The following DMXL1 variants were observed in gnomAD, a reference collection of about 807,000 sequenced individuals.
The protein encoded by DMXL1 is Dmx like 1, also known as dmX-like protein 1.
In DMXL1, 99 loss-of-function variants were observed where a neutral mutation model predicts 319.2. That is an observed-to-expected ratio of 0.31 (90% confidence interval 0.26 to 0.37). The LOEUF is 0.37. Ranked by LOEUF, DMXL1 falls within the 10% of genes least tolerant of loss-of-function variation. The pLI, the probability that DMXL1 is intolerant of heterozygous loss-of-function variation, is 1.00. For synonymous variants in DMXL1, 1,385 were observed against 1,235.2 expected, an observed-to-expected ratio of 1.12 and a Z score of -2.54; for missense variants, 3,745 against 3,595.6, an observed-to-expected ratio of 1.04 and a Z score of -1.06.
intron 26 of DMXL1, among the ~76,000 whole-genome samples, chr5:119,176,011 A>C (rs977779149): frequency 2.6e-5 from 4 of 151,976 alleles, no homozygotes; most frequent in African/African-American, 9.7e-5. Context: ...AATGTTCTTT[A>C]ACTTTCCCCT....
At chr5:119,202,902 TA>T (rs1781068069) in intron 32 of DMXL1, among the ~76,000 whole-genome samples, 1 of 144,830 alleles carries the variant, frequency 6.9e-6, no homozygotes, top group African/African-American at 2.5e-5. Flanking sequence ...TATATATATA[TA>T]TATTTATATA....
At chr5:119,115,136 T>C (rs1760553976) in intron 6 of DMXL1, among the ~76,000 whole-genome samples, 1 of 151,012 alleles carries the variant, frequency 6.6e-6, no homozygotes, top group African/African-American at 2.5e-5. Flanking sequence ...TTTTCTCATG[T>C]GTAATATGAG....
intron 1 of DMXL1, among the ~76,000 whole-genome samples, chr5:119,074,128 A>G (rs1750278700): frequency 1.3e-5 from 2 of 152,194 alleles, no homozygotes; most frequent in African/African-American, 4.8e-5. Flanking sequence ...CATGTTGGTC[A>G]GGCTGGTCTG....
At chr5:119,160,215 A>C (rs1327114021) in intron 19 of DMXL1, among the ~76,000 whole-genome samples, 1 of 151,936 alleles carries the variant, frequency 6.6e-6, no homozygotes, top group Non-Finnish European at 1.5e-5. Flanking sequence ...GCATCCCATA[A>C]ATTTTAGCAT....
At position 119,197,850 on chromosome 5, in the gene DMXL1, C is replaced by T. The variant is rs1161681720; in HGVS notation, c.7639C>T (p.Pro2547Ser). The change falls in exon 32 of 44, where the codon CCA (proline) becomes TCA (serine). Residue 2547 changes from proline to serine, a missense_variant. Pro to Ser is a moderately conservative substitution (Grantham distance 74). Around this residue, in one of 4 missense-constraint regions of DMXL1, gnomAD observed 1,382 missense variants for 1,269.5 expected, o/e 1.09. Transcript: ENST00000539542. ...LLRRLEIHGG[P>S]PQNYIASHTA... is the part of the protein sequence containing the mutation. ...CCGACGACTTGAAATCCATGGTGGG[C>T]CACCTCAAAATTATATCGCAAGTCA... 2 of 1,614,036 alleles carry T rather than the reference C, an allele frequency of 1.2e-6. No individual in the cohort carries two copies. The highest frequency in any genetic ancestry group is 1.3e-5 in the African/African-American group (1 of 74,914).
rs116642491 is a variant in DMXL1 at position 119,099,041 on chromosome 5, C to G, written c.213+937C>G. Among the ~76,000 whole-genome samples, 479 of 152,258 alleles carry G rather than the reference C, an allele frequency of 3.1e-3. 3 individuals carry two copies. Among genetic ancestry groups the G allele is most frequent in the Non-Finnish European group, 5.1e-3 (349 of 68,010 alleles). ...GAATCTTTACATATTTGTTGGACTA[C>G]TGTTCTTTTTGTTACATGGTATTCC... On this transcript the variant is annotated intron_variant, in intron 2 of 43. Coordinates refer to ENST00000539542, the MANE Select transcript of DMXL1 (RefSeq NM_001290321.3).
chr5:119,216,913 T>C lies in DMXL1; in HGVS notation c.7939T>C (p.Leu2647=). The C allele has an allele frequency of 1.3e-6, 2 of 1,594,340 alleles. No homozygotes were observed. The highest frequency in any genetic ancestry group is 2.3e-5 in the East Asian group (1 of 44,210). ...EPNINKIEAD[L]GYPGGKARII... is the part of the protein sequence containing the mutation. Reference sequence around the variant, plus strand: ...TCCTTTTATTTAGATAGAAGCAGATTTGGGATATCCTGGAGGTAAAGCAAG... The same window carrying C: ...TCCTTTTATTTAGATAGAAGCAGATCTGGGATATCCTGGAGGTAAAGCAAG... Residue 2647 remains leucine, a synonymous_variant, in exon 35 of 44, where the codon TTG becomes CTG. Transcript: ENST00000539542.
intron 38 of DMXL1, among the ~76,000 whole-genome samples, chr5:119,225,524 A>G (rs947858006): frequency 9.9e-5 from 15 of 152,204 alleles, no homozygotes; most frequent in Admixed American, 2.6e-4. Flanking sequence ...ATGCATGTTA[A>G]TTAATGGGTA....
At chr5:119,127,651 C>G (rs375671145) in intron 9 of DMXL1, 115 of 170,744 alleles carry the variant, frequency 6.7e-4, no homozygotes, top group African/African-American at 2.6e-3. Flanking sequence ...GTTGACCAGG[C>G]TGGTCTCGAA....
chr5:119,071,664 A>G lies in DMXL1; in HGVS notation c.87+8A>G. On this transcript the variant is annotated splice_region_variant and intron_variant, in intron 1 of 43. Coordinates refer to ENST00000539542, the MANE Select transcript of DMXL1 (RefSeq NM_001290321.3). ...GGCGACCAGCGCTTCACGGTGAGTG[A>G]GGGAGGCCCTCGCGTCGCCCGTGGC... 1.3e-6 allele frequency: 2 copies of G among 1,574,926 alleles called. No individual in the cohort carries two copies. The highest frequency in any genetic ancestry group is 8.6e-7 in the Non-Finnish European group (1 of 1,160,430).
rs1306781318 is a variant in DMXL1, at chr5:119,116,212, A to G, written c.619A>G (p.Thr207Ala). 5 of 1,613,680 alleles carry G rather than the reference A, an allele frequency of 3.1e-6. No individual in the cohort carries two copies. Among genetic ancestry groups the G allele is most frequent in the Middle Eastern group, 1.6e-4 (1 of 6,084 alleles). The part of the protein sequence containing the change: ...YNVENWRTAV[T>A]SPDGSSEKQS... ...TGTAGAAAACTGGCGGACAGCTGTTACTTCTCCAGATGGAAGTTCAGAAAA... is the reference window on the plus strand; with the variant it reads ...TGTAGAAAACTGGCGGACAGCTGTTGCTTCTCCAGATGGAAGTTCAGAAAA... Residue 207 changes from threonine to alanine, a missense_variant, in exon 7 of 44, where the codon ACT becomes GCT. Coordinates refer to ENST00000539542, the MANE Select transcript of DMXL1 (RefSeq NM_001290321.3).
chr5:119,124,563 C>CTTTTT (rs34589863), intron 9 of DMXL1, among the ~76,000 whole-genome samples: 8 of 102,946 alleles, frequency 7.8e-5, no homozygotes, highest in African/African-American at 2.8e-4. Flanking sequence ...ATGGTGATGA[C>CTTTTT]TTTTTTTTTT....
intron 1 of DMXL1, among the ~76,000 whole-genome samples, chr5:119,085,564 C>G (rs1168872584): frequency 6.6e-6 from 1 of 152,036 alleles, no homozygotes; most frequent in African/African-American, 2.4e-5. Context: ...TGAATTTGTT[C>G]ATCCGTTCTA....
chr5:119,084,921 T>A (rs997994732), intron 1 of DMXL1, among the ~76,000 whole-genome samples: 2 of 151,962 alleles, frequency 1.3e-5, no homozygotes, highest in African/African-American at 4.8e-5. Context: ...TTTAACAATA[T>A]TAATTCTTCC....
intron 30 of DMXL1, among the ~76,000 whole-genome samples, chr5:119,195,159 C>A (rs893038966): frequency 6.6e-6 from 1 of 151,922 alleles, no homozygotes; most frequent in Non-Finnish European, 1.5e-5. Context: ...AACGTAAAAT[C>A]GTGCAGCAAC....
chr5:119,234,639 T>C (rs942167211), intron 39 of DMXL1, among the ~76,000 whole-genome samples: 2 of 152,158 alleles, frequency 1.3e-5, no homozygotes, highest in African/African-American at 4.8e-5. Context: ...TTAGTACAGA[T>C]GCCTGTATAA....
chr5:119,195,710 G>A (rs1198957668), intron 30 of DMXL1, among the ~76,000 whole-genome samples: 1 of 151,968 alleles, frequency 6.6e-6, no homozygotes, highest in Non-Finnish European at 1.5e-5. Context: ...CTTAAAAATG[G>A]CCAAAATGGT....
chr5:119,093,520 G>A (rs571765499), intron 1 of DMXL1, among the ~76,000 whole-genome samples: 2 of 152,230 alleles, frequency 1.3e-5, no homozygotes, highest in South Asian at 2.1e-4. Flanking sequence ...AATGAACTGC[G>A]CTCAGACCTC....
chr5:119,206,708 T>G, intron 33 of DMXL1, 126 bp from the exon 34 acceptor site: 1 of 558,418 alleles, frequency 1.8e-6, no homozygotes, highest in Non-Finnish European at 3.0e-6. Flanking sequence ...TTGAGAATAG[T>G]AACTCCATAT....
Sources: gnomAD v4.1 joint callset for allele counts (sites outside exome capture counted in the v4.1 genomes callset) on GRCh38, gnomAD v4.1.1 for gene constraint, gnomAD v4.1.1 regional missense constraint, MANE v1.5 for transcripts, NCBI Gene and HGNC (gene_info 2026-07-23, HGNC 2026-07-21) for gene names.